Variants in CUL1 observed in about 807,000 individuals in gnomAD.
CUL1 encodes the protein cullin 1.
In CUL1, 24 loss-of-function variants were observed where a neutral mutation model predicts 118.0. That is an observed-to-expected ratio of 0.20 (90% confidence interval 0.15 to 0.29). The LOEUF is 0.29. CUL1 is among the 10% of genes least tolerant of loss of function. The pLI is 1.00. For synonymous variants in CUL1, 332 were observed against 340.4 expected, an observed-to-expected ratio of 0.98 and a Z score of 0.27; for missense variants, 361 against 933.8, an observed-to-expected ratio of 0.39 and a Z score of 7.99.
At position 148,783,848 on chromosome 7, in the gene CUL1, T is replaced by A; in HGVS notation, c.1149T>A (p.Ser383=). Residue 383 remains serine, a synonymous_variant, in exon 10 of 22, where the codon TCT becomes TCA. Transcript: ENST00000325222. The stretch of plus-strand genomic sequence containing the variant: ...AAAAATACAATGCCCTGGTAATGTC[T>A]GCATTCAACAATGACGCTGGCTTTG... ...VHKKYNALVM[S]AFNNDAGFVA... The A allele has an allele frequency of 1.2e-6, 2 of 1,614,240 alleles. No homozygotes were observed. The highest frequency in any genetic ancestry group is 1.1e-5 in the South Asian group (1 of 91,088).
At chr7:148,706,190 C>G (rs1797874496) in intron 1 of CUL1, among the ~76,000 whole-genome samples, 4 of 152,178 alleles carry the variant, frequency 2.6e-5, no homozygotes, top group Admixed American at 2.6e-4. Context: ...CAAGATACCT[C>G]AAATATTCCA....
intron 1 of CUL1, among the ~76,000 whole-genome samples, chr7:148,716,227 C>T (rs1798210673): frequency 6.6e-6 from 1 of 152,046 alleles, no homozygotes; most frequent in South Asian, 2.1e-4. Context: ...GAGAATTCCA[C>T]ATGCTAACAC....
At chr7:148,749,797 T>G (rs912156233) in intron 2 of CUL1, among the ~76,000 whole-genome samples, 28 of 152,220 alleles carry the variant, frequency 1.8e-4, no homozygotes, top group African/African-American at 6.5e-4. Context: ...GAGGAAGGCA[T>G]GTTGAAAGCT....
intron 9 of CUL1, among the ~76,000 whole-genome samples, chr7:148,775,555 G>T (rs1177020563): frequency 6.6e-6 from 1 of 152,212 alleles, no homozygotes; most frequent in Admixed American, 6.5e-5. Flanking sequence ...TTGAGTGGAT[G>T]TTGGAAAGGA....
In CUL1 at chr7:148,783,904, G is replaced by T. The variant is rs2129462572; in HGVS notation, c.1191+14G>T. 2.5e-6 allele frequency: 4 copies of T among 1,613,788 alleles called. No homozygotes were observed. In the East Asian group the frequency reaches 6.7e-5, roughly 27 times the overall value. ...GCTCTTGATAAGGTAGGTGCGTGAG[G>T]GTTGTGACTTGCCTGTAGTATGTAT... On this transcript the variant is annotated intron_variant, in intron 10 of 21. Transcript: ENST00000325222.
chr7:148,761,022 T>G (rs1452501427), intron 7 of CUL1, among the ~76,000 whole-genome samples: 2 of 152,126 alleles, frequency 1.3e-5, no homozygotes, highest in African/African-American at 4.8e-5. Flanking sequence ...CTCAGCTAAT[T>G]GTTTTATTTT....
At chr7:148,748,816 A>G (rs1035700363) in intron 2 of CUL1, among the ~76,000 whole-genome samples, 3 of 152,210 alleles carry the variant, frequency 2.0e-5, no homozygotes, top group African/African-American at 7.2e-5. Flanking sequence ...ATGTTTCCGC[A>G]ATTTAATTTT....
At chr7:148,717,512 C>T (rs1388069516) in intron 1 of CUL1, among the ~76,000 whole-genome samples, 1 of 151,940 alleles carries the variant, frequency 6.6e-6, no homozygotes, top group Admixed American at 6.6e-5. Context: ...CTTTGTGTCG[C>T]CTGTGTCTTG....
chr7:148,778,023 ACTGCACTC>A (rs977498555), intron 9 of CUL1, among the ~76,000 whole-genome samples: 2 of 136,724 alleles, frequency 1.5e-5, no homozygotes, highest in Admixed American at 8.3e-5. Flanking sequence ...AGATCATGCC[ACTGCACTC>A]CTGCACTCCT....
At chr7:148,751,534 CAAAAAAA>C (rs1166826975) in intron 2 of CUL1, among the ~76,000 whole-genome samples, 4 of 65,674 alleles carry the variant, frequency 6.1e-5, no homozygotes, top group African/African-American at 2.3e-4. Flanking sequence ...GACTCTGTCT[CAAAAAAA>C]AAAAAAAAAA....
intron 14 of CUL1, 45 bp downstream of exon 14, chr7:148,788,719 T>C: frequency 6.4e-6 from 8 of 1,253,422 alleles, no homozygotes; most frequent in Non-Finnish European, 9.2e-6. Flanking sequence ...GGCAGAGTTC[T>C]CTGTAGCAAA....
intron 1 of CUL1, among the ~76,000 whole-genome samples, chr7:148,716,605 A>G (rs1273766132): frequency 6.6e-6 from 1 of 152,192 alleles, no homozygotes; most frequent in Non-Finnish European, 1.5e-5. Context: ...ATTAGTGTTC[A>G]GTTTAGCCTC....
At chr7:148,731,362 G>A (rs1260190525) in intron 2 of CUL1, among the ~76,000 whole-genome samples, 3 of 152,088 alleles carry the variant, frequency 2.0e-5, no homozygotes, top group African/African-American at 7.2e-5. Flanking sequence ...ACTAGTTTTT[G>A]TGATATTCCA....
intron 9 of CUL1, among the ~76,000 whole-genome samples, chr7:148,768,076 C>T (rs1201721538): frequency 6.6e-6 from 1 of 152,162 alleles, no homozygotes; most frequent in Non-Finnish European, 1.5e-5. Context: ...TACTTTGCCA[C>T]TCACAGTCCA....
chr7:148,776,571 C>T (rs1800408526), intron 9 of CUL1, among the ~76,000 whole-genome samples: 1 of 152,020 alleles, frequency 6.6e-6, no homozygotes, highest in African/African-American at 2.4e-5. Context: ...CCCTCCTCAG[C>T]CTCCCAAAGT....
At chr7:148,710,830 AT>A (rs905584942) in intron 1 of CUL1, among the ~76,000 whole-genome samples, 2 of 151,522 alleles carry the variant, frequency 1.3e-5, no homozygotes, top group African/African-American at 2.4e-5. Context: ...TGCCCGGCTA[AT>A]TTTTTTTGTG....
intron 16 of CUL1, among the ~76,000 whole-genome samples, chr7:148,791,518 A>G (rs999041613): frequency 1.2e-4 from 19 of 152,250 alleles, no homozygotes; most frequent in African/African-American, 4.3e-4. Context: ...GTGTTCCACT[A>G]CAGTACCTGG....
At chr7:148,705,074 A>G (rs1797840824) in intron 1 of CUL1, among the ~76,000 whole-genome samples, 1 of 152,160 alleles carries the variant, frequency 6.6e-6, no homozygotes, top group African/African-American at 2.4e-5. Flanking sequence ...TTGCTGGACT[A>G]ATCTTCTTCT....
chr7:148,736,356 T>C (rs895256404), intron 2 of CUL1, among the ~76,000 whole-genome samples: 1 of 152,218 alleles, frequency 6.6e-6, no homozygotes, highest in Non-Finnish European at 1.5e-5. Flanking sequence ...TGGAGTGCAA[T>C]GGCACTATCA....
Sources: gnomAD v4.1 joint callset for allele counts (sites outside exome capture counted in the v4.1 genomes callset) on GRCh38, gnomAD v4.1.1 for gene constraint, MANE v1.5 for transcripts, NCBI Gene and HGNC (gene_info 2026-07-23, HGNC 2026-07-21) for gene names.